Variants in KCNMB2 observed in about 807,000 individuals in gnomAD.
KCNMB2 encodes the protein potassium calcium-activated channel subfamily M regulatory beta subunit 2.
Under a neutral mutation model 24.5 loss-of-function variants are expected in KCNMB2, and 9 were observed. That is an observed-to-expected ratio of 0.37 (90% CI 0.22 to 0.64). The LOEUF is 0.64. KCNMB2 is among the 30% of genes least tolerant of loss of function. The pLI, the probability that KCNMB2 is intolerant of heterozygous loss-of-function variation, is 0.63. For missense variants in KCNMB2, 226 were observed against 284.3 expected, an observed-to-expected ratio of 0.79 and a Z score of 1.47; for synonymous variants, 109 against 104.4, an observed-to-expected ratio of 1.04 and a Z score of -0.27.
intron 1 of KCNMB2, among the ~76,000 whole-genome samples, chr3:178,792,638 T>TA (rs903540653): frequency 1.5e-4 from 22 of 151,032 alleles, no homozygotes; most frequent in Admixed American, 5.9e-4. Flanking sequence ...TGAATGGATT[T>TA]AAAAAAAAAG....
chr3:178,667,800 C>A (rs1720770621), intron 1 of KCNMB2, among the ~76,000 whole-genome samples: 1 of 152,116 alleles, frequency 6.6e-6, no homozygotes, highest in African/African-American at 2.4e-5. Context: ...CAGGACTCTG[C>A]CCCCTAAAGC....
At chr3:178,746,766 C>CA (rs1723683756) in intron 1 of KCNMB2, among the ~76,000 whole-genome samples, 1 of 152,212 alleles carries the variant, frequency 6.6e-6, no homozygotes, top group Admixed American at 6.5e-5. Context: ...AGGGCAGGGG[C>CA]AAAATGCCAC....
intron 1 of KCNMB2, among the ~76,000 whole-genome samples, chr3:178,668,308 C>A (rs531527312): frequency 6.6e-6 from 1 of 152,130 alleles, no homozygotes; most frequent in East Asian, 1.9e-4. Flanking sequence ...CAGAAGGGTC[C>A]ACAATATTTT....
At chr3:178,653,893 A>G (rs536082185) in intron 1 of KCNMB2, among the ~76,000 whole-genome samples, 1 of 152,240 alleles carries the variant, frequency 6.6e-6, no homozygotes, top group African/African-American at 2.4e-5. Context: ...TCATCTCAGT[A>G]TTACACTGGC....
intron 1 of KCNMB2, among the ~76,000 whole-genome samples, chr3:178,605,816 G>A (rs1718251537): frequency 1.3e-5 from 2 of 152,192 alleles, no homozygotes; most frequent in South Asian, 4.1e-4. Flanking sequence ...CCCAAGCAAA[G>A]TGTTAAAAGT....
At chr3:178,791,611 T>A (rs1255632967) in intron 1 of KCNMB2, among the ~76,000 whole-genome samples, 1 of 151,962 alleles carries the variant, frequency 6.6e-6, no homozygotes, top group Admixed American at 6.6e-5. Context: ...GAGAAAGATA[T>A]CAATATTCAA....
intron 1 of KCNMB2, among the ~76,000 whole-genome samples, chr3:178,679,059 T>G (rs13067269): frequency 3.4e-5 from 5 of 148,626 alleles, no homozygotes; most frequent in South Asian, 4.2e-4. Context: ...TTTGTTTTTG[T>G]TTTTTTTATT....
intron 1 of KCNMB2, among the ~76,000 whole-genome samples, chr3:178,601,597 C>G (rs974849449): frequency 6.6e-6 from 1 of 152,166 alleles, no homozygotes; most frequent in Non-Finnish European, 1.5e-5. Context: ...ACTTTCCTGG[C>G]CTTTCCTCAG....
chr3:178,738,164 C>T (rs1030681593), intron 1 of KCNMB2, among the ~76,000 whole-genome samples: 2 of 152,166 alleles, frequency 1.3e-5, no homozygotes, highest in African/African-American at 2.4e-5. Context: ...GACACCACCA[C>T]CACCCAAGAC....
At chr3:178,775,275 C>G (rs979707944) in intron 1 of KCNMB2, among the ~76,000 whole-genome samples, 1 of 151,992 alleles carries the variant, frequency 6.6e-6, no homozygotes, top group African/African-American at 2.4e-5. Flanking sequence ...CTGATACTGT[C>G]TGAAAACAGG....
chr3:178,541,450 T>C (rs1715615575), intron 1 of KCNMB2, among the ~76,000 whole-genome samples: 1 of 152,146 alleles, frequency 6.6e-6, no homozygotes, highest in Non-Finnish European at 1.5e-5. Flanking sequence ...TGTGCAGCAG[T>C]AGTAATCAGT....
chr3:178,838,610 T>C (rs1339752349), intron 4 of KCNMB2, among the ~76,000 whole-genome samples: 1 of 150,990 alleles, frequency 6.6e-6, no homozygotes, highest in Non-Finnish European at 1.5e-5. Flanking sequence ...TGCCCACTGA[T>C]AAAGTCATGG....
chr3:178,586,876 C>A (rs903930658), intron 1 of KCNMB2, among the ~76,000 whole-genome samples: 3 of 151,924 alleles, frequency 2.0e-5, no homozygotes, highest in African/African-American at 4.8e-5. Context: ...TGTGGTTTCT[C>A]GGTTTGATGT....
chr3:178,648,445 G>T (rs1351400943), intron 1 of KCNMB2, among the ~76,000 whole-genome samples: 1 of 152,088 alleles, frequency 6.6e-6, no homozygotes, highest in African/African-American at 2.4e-5. Context: ...AGCCTGAGGG[G>T]GAAGATTACT....
intron 1 of KCNMB2, among the ~76,000 whole-genome samples, chr3:178,693,771 G>C (rs113603531): frequency 2.6e-5 from 4 of 152,276 alleles, no homozygotes; most frequent in Admixed American, 1.3e-4. Flanking sequence ...AATGAGTTAG[G>C]GAGGAGCCCC....
intron 1 of KCNMB2, among the ~76,000 whole-genome samples, chr3:178,602,339 T>A (rs1315865671): frequency 6.6e-6 from 1 of 152,198 alleles, no homozygotes; most frequent in African/African-American, 2.4e-5. Context: ...TTTGGTGATT[T>A]ACCTACTATA....
chr3:178,813,044 T>A (rs1714257712), intron 2 of KCNMB2, among the ~76,000 whole-genome samples: 1 of 152,220 alleles, frequency 6.6e-6, no homozygotes, highest in Admixed American at 6.5e-5. Context: ...AATTTATTAA[T>A]TAATTTGTGA....
intron 1 of KCNMB2, among the ~76,000 whole-genome samples, chr3:178,572,763 G>A (rs1716851220): frequency 6.6e-6 from 1 of 152,040 alleles, no homozygotes; most frequent in Admixed American, 6.6e-5. Context: ...ACTTACATAG[G>A]AAGAAAAGCA....
chr3:178,730,715 T>C (rs192555625), intron 1 of KCNMB2, among the ~76,000 whole-genome samples: 139 of 152,296 alleles, frequency 9.1e-4, no homozygotes, highest in African/African-American at 3.1e-3. Context: ...CTAGCCACAA[T>C]GGCCTTCATT....
Sources: gnomAD v4.1 joint callset for allele counts (sites outside exome capture counted in the v4.1 genomes callset) on GRCh38, gnomAD v4.1.1 for gene constraint, MANE v1.5 for transcripts, NCBI Gene and HGNC (gene_info 2026-07-23, HGNC 2026-07-21) for gene names.